The following DNAJC1 variants were observed in gnomAD, a reference collection of about 807,000 sequenced individuals.
DNAJC1 encodes the protein dnaJ homolog subfamily C member 1.
A neutral mutation model predicts 76.6 loss-of-function variants in DNAJC1; 58 were observed. That is an observed-to-expected ratio of 0.76 (90% CI 0.61 to 0.94). The LOEUF (loss-of-function observed/expected upper bound fraction) is 0.94. DNAJC1 is among the 40% of genes least tolerant of loss of function. DNAJC1 has a pLI of 0.00. For missense variants in DNAJC1, 689 were observed against 677.3 expected, an observed-to-expected ratio of 1.02 and a Z score of -0.19; for synonymous variants, 258 against 267.9, an observed-to-expected ratio of 0.96 and a Z score of 0.36.
chr10:21,822,414 G>T (rs1835174489), intron 8 of DNAJC1, among the ~76,000 whole-genome samples: 1 of 151,276 alleles, frequency 6.6e-6, no homozygotes, highest in African/African-American at 2.4e-5. Context: ...ACTCCTGCCT[G>T]GGTGACACAG....
rs1049324326 is a variant in DNAJC1, at chr10:21,933,803, C to T, written c.223-4662G>A. On this transcript the variant is annotated intron_variant, in intron 1 of 11. Coordinates refer to ENST00000376980, the MANE Select transcript of DNAJC1 (RefSeq NM_022365.4). The stretch of plus-strand genomic sequence containing the variant: ...ATCTTCTAGTGACATGTTACCCTTC[C>T]TAATGTCACAGTGCAATGTATCTAT... 2.6e-5 allele frequency among the ~76,000 whole-genome samples: 4 copies of T among 152,086 alleles called. No individual in the cohort carries two copies. The East Asian group carries it at 7.7e-4, about 29-fold the overall frequency.
chr10:21,853,306 T>A (rs1835784157), intron 8 of DNAJC1, among the ~76,000 whole-genome samples: 3 of 152,164 alleles, frequency 2.0e-5, no homozygotes, highest in Admixed American at 6.5e-5. Flanking sequence ...AAGAATTCAC[T>A]CTCTGTACTT....
intron 1 of DNAJC1, among the ~76,000 whole-genome samples, chr10:22,002,243 T>C (rs1838529977): frequency 6.6e-6 from 1 of 152,174 alleles, no homozygotes; most frequent in Admixed American, 6.5e-5. Context: ...CTCCCATAAC[T>C]ATTCAAAGCA....
chr10:21,847,046 C>T (rs1361762282), intron 8 of DNAJC1, among the ~76,000 whole-genome samples: 2 of 152,208 alleles, frequency 1.3e-5, no homozygotes, highest in East Asian at 3.9e-4. Flanking sequence ...ATATGTATTA[C>T]TCCTAGGTCC....
At position 21,915,451 on chromosome 10, in the gene DNAJC1, TG is replaced by T. The variant is rs1213470447; in HGVS notation, c.729+3327del. On this transcript the variant is annotated intron_variant, in intron 6 of 11. Coordinates refer to ENST00000376980, the MANE Select transcript of DNAJC1 (RefSeq NM_022365.4). ...TTCTGCCAGTGTAAAGGTCACTTGCTGGAAGCCTCTGAATCTCCCACTTTTA... is the reference window on the plus strand; with the variant it reads ...TTCTGCCAGTGTAAAGGTCACTTGCTGAAGCCTCTGAATCTCCCACTTTTA... 2.0e-5 allele frequency among the ~76,000 whole-genome samples: 3 copies of T among 152,232 alleles called. No homozygotes were observed. In the East Asian group the frequency reaches 5.8e-4, roughly 29 times the overall value.
chr10:21,791,477 A>T (rs1306130383), intron 9 of DNAJC1, among the ~76,000 whole-genome samples: 1 of 152,234 alleles, frequency 6.6e-6, no homozygotes, highest in African/African-American at 2.4e-5. Flanking sequence ...TCTCCAGGAC[A>T]GACCACATGT....
At chr10:21,887,918 T>C (rs995942287) in intron 7 of DNAJC1, among the ~76,000 whole-genome samples, 2 of 151,922 alleles carry the variant, frequency 1.3e-5, no homozygotes, top group Non-Finnish European at 2.9e-5. Context: ...CTGCACAGCA[T>C]AAAGAAACTA....
intron 1 of DNAJC1, among the ~76,000 whole-genome samples, chr10:21,929,807 C>A (rs1837191253): frequency 6.6e-6 from 1 of 152,118 alleles, no homozygotes; most frequent in African/African-American, 2.4e-5. Flanking sequence ...TTATGTATTA[C>A]TTGTATAGTT....
In DNAJC1 at chr10:21,851,792, T is replaced by C. The variant is rs1449511508; in HGVS notation, c.978+30490A>G. ...AGATACGGCCGGGCGCAGTGGTTCA[T>C]GCCTGTAATCCCAGCACTTTGGGAG... On this transcript the variant is annotated intron_variant, in intron 8 of 11. Coordinates refer to ENST00000376980, the MANE Select transcript of DNAJC1 (RefSeq NM_022365.4). Among the ~76,000 whole-genome samples the C allele has an allele frequency of 2.6e-5, 4 of 152,056 alleles. No individual in the cohort carries two copies. In the East Asian group the frequency reaches 5.8e-4, roughly 22 times the overall value.
At position 21,864,161 on chromosome 10, in the gene DNAJC1, T is replaced by C. The variant is rs186742406; in HGVS notation, c.978+18121A>G. On this transcript the variant is annotated intron_variant, in intron 8 of 11. Transcript: ENST00000376980. Reference sequence around the variant, plus strand: ...GATCATTTGAGCCAGGAGGCAGAGATTGCAGTGAAGCAAGATCGTGCCACT... The same window carrying C: ...GATCATTTGAGCCAGGAGGCAGAGACTGCAGTGAAGCAAGATCGTGCCACT... 3.2e-3 allele frequency among the ~76,000 whole-genome samples: 485 copies of C among 152,094 alleles called. 15 individuals are homozygous for C. The highest frequency in any genetic ancestry group is 0.03 in the Admixed American group (457 of 15,278).
At chr10:21,942,737 C>T (rs1321553428) in intron 1 of DNAJC1, among the ~76,000 whole-genome samples, 13 of 142,300 alleles carry the variant, frequency 9.1e-5, no homozygotes, top group African/African-American at 2.3e-4. Flanking sequence ...ACCTGGGAGG[C>T]GGAACTTGTA....
intron 3 of DNAJC1, among the ~76,000 whole-genome samples, chr10:21,925,104 G>A (rs560667197): frequency 6.6e-6 from 1 of 152,152 alleles, no homozygotes; most frequent in East Asian, 1.9e-4. Flanking sequence ...AGCATCACAA[G>A]TAGCTCAAGC....
chr10:21,777,432 T>C (rs1447942268), intron 9 of DNAJC1, among the ~76,000 whole-genome samples: 1 of 152,198 alleles, frequency 6.6e-6, no homozygotes, highest in Non-Finnish European at 1.5e-5. Flanking sequence ...AGTCCTTGGA[T>C]ATTTCTGTGG....
intron 8 of DNAJC1, among the ~76,000 whole-genome samples, chr10:21,874,856 A>G (rs1836158568): frequency 6.6e-6 from 1 of 152,096 alleles, no homozygotes; most frequent in African/African-American, 2.4e-5. Context: ...TAGTAACATG[A>G]TAAAAGTTTT....
intron 7 of DNAJC1, among the ~76,000 whole-genome samples, chr10:21,902,192 G>A (rs546315243): frequency 6.6e-6 from 1 of 152,218 alleles, no homozygotes; most frequent in Admixed American, 6.5e-5. Flanking sequence ...TCCATTCTGA[G>A]TTTCAATAAC....
At chr10:21,955,663 CTT>C (rs1285426582) in intron 1 of DNAJC1, among the ~76,000 whole-genome samples, 1 of 152,106 alleles carries the variant, frequency 6.6e-6, no homozygotes, top group Non-Finnish European at 1.5e-5. Flanking sequence ...AATGAGAACA[CTT>C]AAAATCTATC....
intron 1 of DNAJC1, among the ~76,000 whole-genome samples, chr10:21,999,301 A>AATC (rs1352444386): frequency 6.6e-6 from 1 of 152,248 alleles, no homozygotes; most frequent in South Asian, 2.1e-4. Flanking sequence ...ATCTTATTTG[A>AATC]ATCATCATCA....
At chr10:21,927,827 T>A (rs1197423171) in intron 3 of DNAJC1, among the ~76,000 whole-genome samples, 1 of 152,174 alleles carries the variant, frequency 6.6e-6, no homozygotes, top group African/African-American at 2.4e-5. Context: ...AATCTCCTCT[T>A]AAGTCACTGG....
intron 8 of DNAJC1, among the ~76,000 whole-genome samples, chr10:21,838,308 A>C (rs1317102571): frequency 3.3e-5 from 5 of 151,660 alleles, no homozygotes; most frequent in Non-Finnish European, 5.9e-5. Context: ...GGATGCTGTT[A>C]ATCTATAACC....
Sources: allele counts gnomAD v4.1 joint callset (sites outside exome capture counted in the v4.1 genomes callset), GRCh38; gene constraint gnomAD v4.1.1; transcripts MANE v1.5; gene names NCBI Gene and HGNC (gene_info 2026-07-23, HGNC 2026-07-21).